TUSC3: variants seen among roughly 807,000 people sequenced by gnomAD.
TUSC3 encodes tumor suppressor candidate 3.
TUSC3 carries 45 observed loss-of-function variants against 44.8 expected under a neutral mutation model. The observed-to-expected ratio is 1.00, with a 90% CI of 0.79 to 1.29. TUSC3 has a LOEUF of 1.29. TUSC3 is among the 50% of genes most tolerant of loss of function. The pLI is 0.00. For missense variants in TUSC3, 519 were observed against 437.9 expected (o/e 1.19, Z -1.65); for synonymous variants, 212 against 152.9 (o/e 1.39, Z -2.85).
At chr8:15,561,968 G>T (rs536277176) in intron 1 of TUSC3, among the ~76,000 whole-genome samples, 3 of 152,168 alleles carry the variant, frequency 2.0e-5, no homozygotes, top group African/African-American at 7.2e-5. Context: ...CATCTTCTGC[G>T]TTGCTCAGGC....
At chr8:15,633,921 C>T (rs1235710973) in intron 2 of TUSC3, among the ~76,000 whole-genome samples, 2 of 152,060 alleles carry the variant, frequency 1.3e-5, no homozygotes, top group Non-Finnish European at 2.9e-5. Context: ...TGATTCTCAC[C>T]ATAAACAAAA....
At chr8:15,796,093 G>C in the TUSC3 span, among the ~76,000 whole-genome samples, 4 of 151,998 alleles carry the variant, frequency 2.6e-5, no homozygotes, top group Non-Finnish European at 5.9e-5. Flanking sequence ...TCCCAGGTCT[G>C]GCTTGCATGG....
At chr8:15,601,486 A>G (rs1273320401) in intron 1 of TUSC3, among the ~76,000 whole-genome samples, 1 of 151,808 alleles carries the variant, frequency 6.6e-6, no homozygotes. Context: ...ACATGACAGC[A>G]AAACTGAGAT....
chr8:15,801,612 C>T, the TUSC3 span, among the ~76,000 whole-genome samples: 1 of 151,976 alleles, frequency 6.6e-6, no homozygotes, highest in Non-Finnish European at 1.5e-5. Flanking sequence ...AAATTGGAGG[C>T]AGTATATGGC....
chr8:15,464,296 A>C (rs1256977965), intron 1 of TUSC3, among the ~76,000 whole-genome samples: 1 of 152,202 alleles, frequency 6.6e-6, no homozygotes, highest in East Asian at 1.9e-4. Flanking sequence ...AACAAGGATG[A>C]ATCCAAGCCC....
intron 2 of TUSC3, among the ~76,000 whole-genome samples, chr8:15,489,949 A>G (rs12114970): frequency 0.09 from 13,730 of 152,228 alleles, 690 homozygotes; most frequent in Middle Eastern, 0.18. Flanking sequence ...CCTATATTGT[A>G]AAGTTTTGTA....
chr8:15,662,378 G>C, intron 5 of TUSC3, 82 bp downstream of exon 5: 1 of 1,571,250 alleles, frequency 6.4e-7, no homozygotes, highest in Non-Finnish European at 8.7e-7. Context: ...AAATGAGCCA[G>C]ATATAACTAT....
At chr8:15,850,081 G>A in the TUSC3 span, among the ~76,000 whole-genome samples, 1 of 149,350 alleles carries the variant, frequency 6.7e-6, no homozygotes, top group Admixed American at 6.7e-5. Flanking sequence ...CTCTGACAGT[G>A]ATTTATCAAA....
At position 15,765,758 on chromosome 8, in the gene TUSC3, T is replaced by G. The variant is rs1812308989; in HGVS notation, c.*1602T>G. ...ATGACGTTTATGGAAAAGCAATAGATGAACTTAATCATTTGATCACTGCCT... is the reference window on the plus strand; with the variant it reads ...ATGACGTTTATGGAAAAGCAATAGAGGAACTTAATCATTTGATCACTGCCT... On this transcript the variant is annotated 3_prime_UTR_variant, in exon 11 of 11. Transcript: ENST00000503731. 6.6e-6 allele frequency: 1 copy of G among 152,060 alleles called. No homozygotes were observed. The highest frequency in any genetic ancestry group is 2.4e-5 in the African/African-American group (1 of 41,444). 9.4% of individuals were successfully genotyped at this position (152,060 alleles called of 1,614,324 possible). A position where few individuals can be genotyped will look rare whatever the true frequency, so the allele number is the denominator to read the frequency against.
chr8:15,567,991 CA>C (rs1802738645), intron 1 of TUSC3, among the ~76,000 whole-genome samples: 1 of 152,096 alleles, frequency 6.6e-6, no homozygotes, highest in Admixed American at 6.6e-5. Context: ...TTCATGTTAA[CA>C]ACCCCCTTTT....
chr8:15,716,306 T>G (rs867469529), intron 6 of TUSC3, among the ~76,000 whole-genome samples: 10 of 152,140 alleles, frequency 6.6e-5, no homozygotes, highest in African/African-American at 2.2e-4. Context: ...TGTTCTTGTT[T>G]TCATTAATAC....
chr8:15,760,665 G>A (rs904674177), intron 10 of TUSC3, among the ~76,000 whole-genome samples: 1 of 152,118 alleles, frequency 6.6e-6, no homozygotes, highest in South Asian at 2.1e-4. Context: ...TCATTGAAAC[G>A]CAGCCAGGTT....
At chr8:15,811,204 C>G in the TUSC3 span, among the ~76,000 whole-genome samples, 1 of 152,296 alleles carries the variant, frequency 6.6e-6, no homozygotes, top group African/African-American at 2.4e-5. Flanking sequence ...AGCTAACAAG[C>G]AGCTCCCAAA....
intron 1 of TUSC3, among the ~76,000 whole-genome samples, chr8:15,574,089 A>C (rs1026475426): frequency 6.6e-6 from 1 of 152,134 alleles, no homozygotes; most frequent in Non-Finnish European, 1.5e-5. Flanking sequence ...ACCTAACAAG[A>C]GAAGTTCAGC....
At chr8:15,661,930 G>T (rs1766559642) in intron 4 of TUSC3, among the ~76,000 whole-genome samples, 1 of 151,942 alleles carries the variant, frequency 6.6e-6, no homozygotes, top group Admixed American at 6.6e-5. Flanking sequence ...ATGAAAAGAT[G>T]CTCAGCATTG....
intron 2 of TUSC3, among the ~76,000 whole-genome samples, chr8:15,508,244 CAAT>C (rs1426756798): frequency 1.3e-5 from 2 of 151,866 alleles, no homozygotes; most frequent in African/African-American, 4.8e-5. Flanking sequence ...TGTCTAACAA[CAAT>C]GACAACAAAA....
At chr8:15,446,187 G>A (rs749710025) in intron 1 of TUSC3, among the ~76,000 whole-genome samples, 2 of 149,842 alleles carry the variant, frequency 1.3e-5, no homozygotes, top group Non-Finnish European at 3.0e-5. Flanking sequence ...GGGCAGAGGC[G>A]CTCCCCACAT....
At chr8:15,541,943 G>A (rs757764126) in intron 1 of TUSC3, among the ~76,000 whole-genome samples, 8 of 151,496 alleles carry the variant, frequency 5.3e-5, no homozygotes, top group Non-Finnish European at 1.0e-4. Flanking sequence ...CTAGGACCAC[G>A]CCAATTTTCA....
At chr8:15,680,853 T>C (rs2129185531) in intron 6 of TUSC3, among the ~76,000 whole-genome samples, 1 of 152,274 alleles carries the variant, frequency 6.6e-6, no homozygotes, top group South Asian at 2.1e-4. Flanking sequence ...TGGTTTTGTT[T>C]TTAATTATGT....
Sources: gnomAD v4.1 joint callset for allele counts (sites outside exome capture counted in the v4.1 genomes callset) on GRCh38, gnomAD v4.1.1 for gene constraint, MANE v1.5 for transcripts, NCBI Gene and HGNC (gene_info 2026-07-23, HGNC 2026-07-21) for gene names.